The following PAPPA variants were observed in gnomAD, a reference collection of about 807,000 sequenced individuals.
PAPPA encodes the protein pappalysin-1.
PAPPA carries 60 observed loss-of-function variants against 164.0 expected under a neutral mutation model. The ratio of observed to expected loss-of-function variants is 0.37; its 90% CI spans 0.30 to 0.45. PAPPA has a LOEUF of 0.45. Among genes scored for constraint, PAPPA ranks in the 20% least tolerant of loss-of-function variants. The probability of loss-of-function intolerance (pLI) is 1.00; values close to 1 mark genes in which losing one functional copy is unlikely to be tolerated. For synonymous variants in PAPPA, 875 were observed against 814.1 expected (o/e 1.07, Z -1.27); for missense variants, 1,782 against 2,087.3 (o/e 0.85, Z 2.85).
Position 116,203,441 on chromosome 9 carries a change from G to C in PAPPA, c.1479-4015G>C, listed in dbSNP as rs141051592. Reference sequence around the variant, plus strand: ...AATAAAGATTTGGTCCCAACTGCCAGAAGCTCATTACCTGATGGAAAAGAC... The same window carrying C: ...AATAAAGATTTGGTCCCAACTGCCACAAGCTCATTACCTGATGGAAAAGAC... On this transcript the variant is annotated intron_variant, in intron 2 of 21. Coordinates refer to ENST00000328252, the MANE Select transcript of PAPPA (RefSeq NM_002581.5). Among the ~76,000 whole-genome samples, 727 of 152,266 alleles carry C rather than the reference G, an allele frequency of 4.8e-3. 8 individuals are homozygous for C. The highest frequency in any genetic ancestry group is 0.016 in the African/African-American group (655 of 41,566).
At position 116,171,263 on chromosome 9, in the gene PAPPA, G is replaced by A. The variant is rs574137778; in HGVS notation, c.416-15891G>A. 2.2e-3 allele frequency among the ~76,000 whole-genome samples: 328 copies of A among 152,294 alleles called. 3 individuals carry two copies. The highest frequency in any genetic ancestry group is 7.5e-3 in the African/African-American group (311 of 41,568). The stretch of plus-strand genomic sequence containing the variant: ...CAAAGCCCTTGTTTAGTGATGCTGA[G>A]CCTTCACATTCTGTGTATGCCTCTG... On this transcript the variant is annotated intron_variant, in intron 1 of 21. Transcript: ENST00000328252.
At chr9:116,376,765 A>C (rs1239809702) in intron 19 of PAPPA, among the ~76,000 whole-genome samples, 1 of 152,210 alleles carries the variant, frequency 6.6e-6, no homozygotes, top group African/African-American at 2.4e-5. Context: ...AGATTCTCAA[A>C]GTGACAAAAT....
At chr9:116,289,121 CATATATATATATATATATATATAT>C (rs200604980) in intron 9 of PAPPA, among the ~76,000 whole-genome samples, 2 of 17,882 alleles carry the variant, frequency 1.1e-4, no homozygotes, top group Admixed American at 7.4e-4. Context: ...TATGCATATA[CATATATATATATATATATATATAT>C]ATATATATAT....
At chr9:116,349,677 A>G (rs997656477) in intron 15 of PAPPA, among the ~76,000 whole-genome samples, 1 of 152,194 alleles carries the variant, frequency 6.6e-6, no homozygotes, top group Non-Finnish European at 1.5e-5. Context: ...CTCATTAGAG[A>G]TTGGAATTTC....
At chr9:116,209,111 A>G (rs1420184105) in intron 3 of PAPPA, among the ~76,000 whole-genome samples, 1 of 152,170 alleles carries the variant, frequency 6.6e-6, no homozygotes, top group Non-Finnish European at 1.5e-5. Flanking sequence ...CATATGGTGT[A>G]TGGGTAGATA....
At chr9:116,195,295 C>A (rs1423058447) in intron 2 of PAPPA, among the ~76,000 whole-genome samples, 1 of 152,120 alleles carries the variant, frequency 6.6e-6, no homozygotes, top group Non-Finnish European at 1.5e-5. Context: ...ATCTGTGAGA[C>A]TTGCACACAT....
In PAPPA at chr9:116,398,666, G is replaced by GAGAT. The variant is rs1458555325; in HGVS notation, c.*2053_*2056dup. On this transcript the variant is annotated 3_prime_UTR_variant, in exon 22 of 22. Coordinates refer to ENST00000328252, the MANE Select transcript of PAPPA (RefSeq NM_002581.5). ...TGCCCACAAATACGGATGCAGTGCT[G>GAGAT]AGATAGTTTATGAGACTTGTACCAT... is the stretch of plus-strand genomic sequence containing the variant. 1.8e-6 allele frequency: 1 copy of GAGAT among 557,984 alleles called. No individual in the cohort carries two copies. The highest frequency in any genetic ancestry group is 1.9e-5 in the African/African-American group (1 of 52,030). The allele number at this position is 557,984 out of a possible 1,614,324, so 34.6% of individuals were successfully genotyped here. A position where few individuals can be genotyped will look rare whatever the true frequency, so the allele number is the denominator to read the frequency against.
At chr9:116,290,573 C>T (rs766939021) in intron 9 of PAPPA, among the ~76,000 whole-genome samples, 2 of 152,172 alleles carry the variant, frequency 1.3e-5, no homozygotes, top group Non-Finnish European at 2.9e-5. Context: ...ATCAGGGCAT[C>T]TATTCTAATC....
chr9:116,368,265 A>G (rs908460072), intron 19 of PAPPA, among the ~76,000 whole-genome samples: 3 of 152,210 alleles, frequency 2.0e-5, no homozygotes, highest in South Asian at 2.1e-4. Flanking sequence ...AACTAGTAAC[A>G]TCGGTTGTTT....
chr9:116,257,618 C>T (rs1412063534), intron 7 of PAPPA, among the ~76,000 whole-genome samples: 2 of 151,964 alleles, frequency 1.3e-5, no homozygotes, highest in Admixed American at 6.5e-5. Flanking sequence ...AGGAGAATGG[C>T]GTGAACCCCA....
At chr9:116,353,973 A>T (rs1374939080) in intron 17 of PAPPA, among the ~76,000 whole-genome samples, 180 bp downstream of exon 17, 2 of 152,130 alleles carry the variant, frequency 1.3e-5, no homozygotes, top group Non-Finnish European at 2.9e-5. Context: ...TTTTTTAAGC[A>T]TTGGAACTTT....
chr9:116,200,306 C>T (rs1417556759), intron 2 of PAPPA, among the ~76,000 whole-genome samples: 1 of 152,172 alleles, frequency 6.6e-6, no homozygotes, highest in Non-Finnish European at 1.5e-5. Context: ...AGCTGGGTGT[C>T]ATTGCTGTAT....
intron 1 of PAPPA, among the ~76,000 whole-genome samples, chr9:116,160,764 C>T (rs1480348735): frequency 5.3e-5 from 8 of 152,228 alleles, no homozygotes; most frequent in Non-Finnish European, 7.3e-5. Context: ...GCAGTAAGAG[C>T]TCTGCTTCTT....
At chr9:116,174,599 G>A (rs1056446100) in intron 1 of PAPPA, among the ~76,000 whole-genome samples, 2 of 152,130 alleles carry the variant, frequency 1.3e-5, no homozygotes, top group African/African-American at 4.8e-5. Context: ...CAAGGCTGAT[G>A]ACTCACCTGT....
intron 2 of PAPPA, among the ~76,000 whole-genome samples, chr9:116,193,773 C>A (rs1325493847): frequency 2.0e-5 from 3 of 152,106 alleles, no homozygotes; most frequent in African/African-American, 4.8e-5. Flanking sequence ...TGCTTGTATC[C>A]TGTGATTCAA....
chr9:116,396,458 G>A, intron 21 of PAPPA, 51 bp from the exon 22 acceptor site: 2 of 778,424 alleles, frequency 2.6e-6, no homozygotes, highest in South Asian at 2.7e-5. Context: ...CTGCCTTTCT[G>A]ATCATTACTG....
At chr9:116,345,897 G>A (rs748442834) in intron 14 of PAPPA, among the ~76,000 whole-genome samples, 2 of 152,170 alleles carry the variant, frequency 1.3e-5, no homozygotes, top group Non-Finnish European at 1.5e-5. Context: ...ACTAAATGTA[G>A]CATTTTCCAG....
At chr9:116,162,446 G>A (rs1843679528) in intron 1 of PAPPA, among the ~76,000 whole-genome samples, 1 of 152,124 alleles carries the variant, frequency 6.6e-6, no homozygotes, top group Admixed American at 6.5e-5. Context: ...GAGGCCTGGG[G>A]CAGTGACCTG....
At chr9:116,272,292 C>A (rs757783844) in intron 9 of PAPPA, among the ~76,000 whole-genome samples, 1 of 152,154 alleles carries the variant, frequency 6.6e-6, no homozygotes. Context: ...AAACTAATCA[C>A]AATTCATTTG....
Sources: allele counts gnomAD v4.1 joint callset (sites outside exome capture counted in the v4.1 genomes callset), GRCh38; gene constraint gnomAD v4.1.1; transcripts MANE v1.5; gene names NCBI Gene and HGNC (gene_info 2026-07-23, HGNC 2026-07-21).